UNC5C: variants seen among roughly 807,000 people sequenced by gnomAD.
UNC5C encodes the protein unc-5 netrin receptor C.
A neutral mutation model predicts 99.8 loss-of-function variants in UNC5C; 47 were observed. The ratio of observed to expected loss-of-function variants is 0.47; its 90% CI spans 0.37 to 0.60. The LOEUF (loss-of-function observed/expected upper bound fraction) is 0.60, where lower values mean the gene tolerates loss of function less well. Among genes scored for constraint, UNC5C ranks in the 20% least tolerant of loss-of-function variants. The pLI is 0.00. For synonymous variants in UNC5C, 487 were observed against 452.2 expected (o/e 1.08, Z -0.98); for missense variants, 1,062 against 1,165.9 (o/e 0.91, Z 1.30).
intron 1 of UNC5C, among the ~76,000 whole-genome samples, chr4:95,474,618 C>A (rs1219204766): frequency 6.6e-6 from 1 of 152,000 alleles, no homozygotes; most frequent in Middle Eastern, 3.2e-3. Context: ...AAGACACTGA[C>A]TAACTTGTTA....
At chr4:95,181,576 G>A (rs1045975950) in intron 14 of UNC5C, among the ~76,000 whole-genome samples, 6 of 152,130 alleles carry the variant, frequency 3.9e-5, no homozygotes, top group African/African-American at 7.2e-5. Flanking sequence ...ACACCCTCCC[G>A]AGCCAGCAGG....
chr4:95,197,203 G>T (rs1362232499), intron 12 of UNC5C, among the ~76,000 whole-genome samples: 3 of 148,636 alleles, frequency 2.0e-5, no homozygotes, highest in Non-Finnish European at 4.4e-5. Flanking sequence ...ATAATAAAAA[G>T]TGATAATTCA....
chr4:95,390,168 A>AACTG (rs771672429), intron 1 of UNC5C, among the ~76,000 whole-genome samples: 3 of 152,156 alleles, frequency 2.0e-5, no homozygotes, highest in Non-Finnish European at 4.4e-5. Context: ...TAAAAGGGAA[A>AACTG]ACTGGGAGAC....
At chr4:95,397,289 AGGT>A (rs1483366834) in intron 1 of UNC5C, among the ~76,000 whole-genome samples, 1 of 152,280 alleles carries the variant, frequency 6.6e-6, no homozygotes, top group Non-Finnish European at 1.5e-5. Flanking sequence ...ACAAACTCCA[AGGT>A]TAATAAACTG....
At chr4:95,326,140 A>G (rs1325715216) in intron 2 of UNC5C, among the ~76,000 whole-genome samples, 1 of 152,158 alleles carries the variant, frequency 6.6e-6, no homozygotes, top group Non-Finnish European at 1.5e-5. Context: ...AGAATCTTAG[A>G]AATTATCTCA....
At chr4:95,470,708 CA>C (rs1357828662) in intron 1 of UNC5C, among the ~76,000 whole-genome samples, 1 of 152,036 alleles carries the variant, frequency 6.6e-6, no homozygotes, top group Non-Finnish European at 1.5e-5. Flanking sequence ...TTATACTTAA[CA>C]AGCATTTATA....
chr4:95,408,052 T>C (rs1250685665), intron 1 of UNC5C, among the ~76,000 whole-genome samples: 3 of 152,216 alleles, frequency 2.0e-5, no homozygotes, highest in African/African-American at 7.2e-5. Context: ...ATGGTAAAAA[T>C]ATATTACACA....
intron 7 of UNC5C, among the ~76,000 whole-genome samples, chr4:95,232,214 G>A (rs1344059131): frequency 6.7e-6 from 1 of 150,362 alleles, no homozygotes; most frequent in East Asian, 1.9e-4. Context: ...TTTTATATAA[G>A]TGTTATATAA....
chr4:95,263,468 C>A (rs572244695), intron 4 of UNC5C, among the ~76,000 whole-genome samples: 2 of 152,252 alleles, frequency 1.3e-5, no homozygotes, highest in East Asian at 3.9e-4. Flanking sequence ...AGGCTGAGAA[C>A]TGGGAAGACT....
intron 12 of UNC5C, among the ~76,000 whole-genome samples, chr4:95,201,904 G>A (rs769411131): frequency 8.6e-5 from 13 of 151,982 alleles, no homozygotes; most frequent in South Asian, 2.1e-4. Flanking sequence ...ACACCCGGCC[G>A]AGGGTCTTTA....
intron 6 of UNC5C, among the ~76,000 whole-genome samples, 194 bp from the exon 7 acceptor site, chr4:95,242,787 T>C (rs1013585979): frequency 2.0e-5 from 3 of 152,236 alleles, no homozygotes; most frequent in African/African-American, 7.2e-5. Context: ...CTATAGAGTG[T>C]GTGAGTGCTT....
chr4:95,519,845 G>T (rs1391984320), intron 1 of UNC5C, among the ~76,000 whole-genome samples: 1 of 152,090 alleles, frequency 6.6e-6, no homozygotes, highest in African/African-American at 2.4e-5. Flanking sequence ...TTGCATAACT[G>T]CAAATGCCTG....
intron 1 of UNC5C, among the ~76,000 whole-genome samples, chr4:95,470,793 G>A (rs888582231): frequency 6.6e-6 from 1 of 151,984 alleles, no homozygotes; most frequent in Non-Finnish European, 1.5e-5. Flanking sequence ...CATTTCTCAC[G>A]AGCCTGAATT....
intron 4 of UNC5C, among the ~76,000 whole-genome samples, chr4:95,271,443 A>G (rs895631967): frequency 6.6e-6 from 1 of 151,884 alleles, no homozygotes; most frequent in Non-Finnish European, 1.5e-5. Context: ...GTTAGCCAGG[A>G]TGGTCTCGAT....
chr4:95,381,944 T>C (rs1745082845), intron 1 of UNC5C, among the ~76,000 whole-genome samples: 1 of 152,048 alleles, frequency 6.6e-6, no homozygotes, highest in African/African-American at 2.4e-5. Context: ...TAATAGTCTC[T>C]TAGAAGAAAA....
chr4:95,396,418 A>G (rs1440307493), intron 1 of UNC5C, among the ~76,000 whole-genome samples: 1 of 152,178 alleles, frequency 6.6e-6, no homozygotes, highest in Non-Finnish European at 1.5e-5. Flanking sequence ...AAATATCTCT[A>G]CTTGTAATGA....
chr4:95,248,186 C>A (rs1327283013), intron 5 of UNC5C: 6 of 233,964 alleles, frequency 2.6e-5, no homozygotes, highest in Non-Finnish European at 4.2e-5. Context: ...GTGGGGTAGG[C>A]AATATTTTAC....
At chr4:95,425,306 T>G (rs1746445827) in intron 1 of UNC5C, among the ~76,000 whole-genome samples, 2 of 152,228 alleles carry the variant, frequency 1.3e-5, no homozygotes, top group African/African-American at 4.8e-5. Context: ...TAGAAATATC[T>G]TATTTTTGTT....
intron 1 of UNC5C, among the ~76,000 whole-genome samples, chr4:95,400,210 A>G (rs1423516743): frequency 6.6e-6 from 1 of 152,120 alleles, no homozygotes; most frequent in Non-Finnish European, 1.5e-5. Flanking sequence ...CAAAGGTGAC[A>G]TAATGTCTTT....
Sources: gnomAD v4.1 joint callset for allele counts (sites outside exome capture counted in the v4.1 genomes callset) on GRCh38, gnomAD v4.1.1 for gene constraint, MANE v1.5 for transcripts, NCBI Gene and HGNC (gene_info 2026-07-23, HGNC 2026-07-21) for gene names.